The following MPP1 variants were observed in gnomAD, a reference collection of about 807,000 sequenced individuals.
MPP1 encodes the protein MAGUK p55 scaffold protein 1.
A neutral mutation model predicts 38.2 loss-of-function variants in MPP1; 6 were observed. The observed-to-expected ratio is 0.16, with a 90% CI of 0.09 to 0.31. The LOEUF is 0.31. Among genes scored for constraint, MPP1 ranks in the 10% least tolerant of loss-of-function variants. The probability of loss-of-function intolerance (pLI) is 1.00; values close to 1 mark genes in which losing one functional copy is unlikely to be tolerated. For missense variants in MPP1, 293 were observed against 368.9 expected, an observed-to-expected ratio of 0.79 and a Z score of 1.69; for synonymous variants, 153 against 146.3, an observed-to-expected ratio of 1.05 and a Z score of -0.33.
chrX:154,797,844 G>C (rs1220609048), intron 1 of MPP1, among the ~76,000 whole-genome samples: 1 of 111,467 alleles, frequency 9.0e-6, no homozygotes, highest in Admixed American at 9.5e-5. Context: ...TACAGACCGG[G>C]AGAAACATTT....
intron 1 of MPP1, chrX:154,799,703 T>C (rs1557268460): frequency 8.8e-7 from 1 of 1,132,892 alleles, no homozygotes; most frequent in Non-Finnish European, 1.2e-6. Flanking sequence ...CTGTTAAGGA[T>C]GACTGCTGGG....
At chrX:154,791,465 C>T (rs1400870221) in intron 3 of MPP1, among the ~76,000 whole-genome samples, 3 of 112,435 alleles carry the variant, frequency 2.7e-5, no homozygotes, top group African/African-American at 6.5e-5. Context: ...GCTGTCCTTT[C>T]CAAGTCTAAT....
intron 1 of MPP1, among the ~76,000 whole-genome samples, chrX:154,795,041 G>A (rs1379516427): frequency 2.7e-5 from 3 of 111,845 alleles, no homozygotes; most frequent in South Asian, 7.4e-4. Flanking sequence ...GTTGGAGGCA[G>A]CAGTGAGCCA....
At chrX:154,802,952 G>A (rs1251141439) in intron 1 of MPP1, among the ~76,000 whole-genome samples, 1 of 112,294 alleles carries the variant, frequency 8.9e-6, no homozygotes, top group Non-Finnish European at 1.9e-5. Context: ...TGCCATTATA[G>A]GAAAACTTTC....
chrX:154,787,038 T>C (rs1463730587), intron 5 of MPP1, among the ~76,000 whole-genome samples: 1 of 108,526 alleles, frequency 9.2e-6, no homozygotes, highest in Non-Finnish European at 1.9e-5. Context: ...ATTGAAAATA[T>C]GGACACTCAT....
chrX:154,783,915 G>C, intron 8 of MPP1, 113 bp downstream of exon 8: 1 of 659,656 alleles, frequency 1.5e-6, no homozygotes, highest in Non-Finnish European at 2.4e-6. Context: ...TCTATATGGA[G>C]AACCCAAGAG....
In MPP1 at chrX:154,791,748, C is replaced by T. The variant is rs2072144068; in HGVS notation, c.325+21G>A. 3 of 1,186,105 alleles carry T rather than the reference C, an allele frequency of 2.5e-6. No homozygotes were observed. The South Asian group carries it at 5.4e-5, about 21-fold the overall frequency. On this transcript the variant is annotated intron_variant, in intron 3 of 11. Transcript: ENST00000369534. The stretch of plus-strand genomic sequence containing the variant: ...TTATTAATCCCTGAATCAAACCCCA[C>T]CCAGAGCTCCCACAGAGTACCTTGT...
chrX:154,805,377 G>A lies in MPP1; in HGVS notation c.-4C>T, dbSNP rs782552816. The A allele has an allele frequency of 8.4e-7, 1 of 1,189,072 alleles. No individual in the cohort carries two copies. Among genetic ancestry groups the A allele is most frequent in the Admixed American group, 2.3e-5 (1 of 43,495 alleles). Reference sequence around the variant, plus strand: ...CCTCGCTCGCCTTGAGGGTCATCTCGCAGAAGCTGGAACACTGGAACGCAA... The same window carrying A: ...CCTCGCTCGCCTTGAGGGTCATCTCACAGAAGCTGGAACACTGGAACGCAA... On this transcript the variant is annotated 5_prime_UTR_variant, in exon 1 of 12. Transcript: ENST00000369534.
At position 154,804,423 on chromosome X, in the gene MPP1, G is replaced by A. The variant is rs782456399; in HGVS notation, c.102+849C>T. On this transcript the variant is annotated intron_variant, in intron 1 of 11. Coordinates refer to ENST00000369534, the MANE Select transcript of MPP1 (RefSeq NM_002436.4). Reference sequence around the variant, plus strand: ...GCTGTGACTTCTGAGCTTCTGCCTGGCTCTCTGGTTCTCTCTGGACATTTT... The same window carrying A: ...GCTGTGACTTCTGAGCTTCTGCCTGACTCTCTGGTTCTCTCTGGACATTTT... Among the ~76,000 whole-genome samples the A allele has an allele frequency of 4.5e-5, 5 of 111,513 alleles. No individual in the cohort carries two copies. In the South Asian group the frequency reaches 1.5e-3, roughly 33 times the overall value.
chrX:154,805,186 GGGGACAGGGACC>G, intron 1 of MPP1, 74 bp downstream of exon 1: 3 of 952,503 alleles, frequency 3.1e-6, no homozygotes, highest in Non-Finnish European at 4.4e-6. Flanking sequence ...CAGGCCCCCC[GGGGACAGGGACC>G]GGGACAGGGA....
rs1305331844 is a variant in MPP1, at chrX:154,784,908, G to T, written c.784+143C>A. 5 of 564,956 alleles carry T rather than the reference G, an allele frequency of 8.9e-6. No individual in the cohort carries two copies. In the East Asian group the frequency reaches 1.8e-4, roughly 20 times the overall value. The allele number at this position is 564,956 out of a possible 1,213,427, so 46.6% of individuals were successfully genotyped here. ...CTTGTGAAGATGGATTCAATAAAAAGAAACCAGAAGAAATGACATGCTTTC... is the reference window on the plus strand; with the variant it reads ...CTTGTGAAGATGGATTCAATAAAAATAAACCAGAAGAAATGACATGCTTTC... On this transcript the variant is annotated intron_variant, in intron 7 of 11. Coordinates refer to ENST00000369534, the MANE Select transcript of MPP1 (RefSeq NM_002436.4).
At chrX:154,783,942 T>C in intron 8 of MPP1, 86 bp downstream of exon 8, 1 of 893,872 alleles carries the variant, frequency 1.1e-6, no homozygotes, top group Non-Finnish European at 1.6e-6. Flanking sequence ...GTTCTTTTCT[T>C]CCTCACTGCC....
At chrX:154,797,939 A>G (rs2072215386) in intron 1 of MPP1, among the ~76,000 whole-genome samples, 1 of 112,692 alleles carries the variant, frequency 8.9e-6, no homozygotes, top group African/African-American at 3.2e-5. Context: ...GAACAATCTA[A>G]TTAGAAAATG....
Position 154,781,161 on chromosome X carries a change from C to A in MPP1, c.1224+78G>T, listed in dbSNP as rs1235955312. 10 of 920,507 alleles carry A rather than the reference C, an allele frequency of 1.1e-5. No individual in the cohort carries two copies. In the Admixed American group the frequency reaches 2.7e-4, roughly 25 times the overall value. The allele number at this position is 920,507 out of a possible 1,213,427, so 75.9% of individuals were successfully genotyped here. On this transcript the variant is annotated intron_variant, in intron 11 of 11. Transcript: ENST00000369534. ...CTGTGACCTCCAGCCAGCACTCTGG[C>A]CAATGACCTGGACTGAGGTCCCAGT... is the stretch of plus-strand genomic sequence containing the variant.
intron 1 of MPP1, among the ~76,000 whole-genome samples, chrX:154,801,787 C>G (rs2728540): frequency 4.5e-5 from 3 of 67,065 alleles, no homozygotes; most frequent in Admixed American, 2.3e-4. Context: ...AAAAAAAAAA[C>G]AAAAAACAGA....
chrX:154,787,474 T>A (rs1265057403), intron 5 of MPP1, among the ~76,000 whole-genome samples: 1 of 111,463 alleles, frequency 9.0e-6, no homozygotes. Context: ...GATCATATGA[T>A]CCCCTCAATA....
In MPP1 at chrX:154,785,052, C is replaced by T. The variant is rs782218142; in HGVS notation, c.783G>A (p.Ser261=). 10 of 1,207,218 alleles carry T rather than the reference C, an allele frequency of 8.3e-6. No individual in the cohort carries two copies. The highest frequency in any genetic ancestry group is 4.4e-5 in the Admixed American group (2 of 45,846). Residue 261 remains serine, a splice_region_variant and synonymous_variant, in exon 7 of 12, where the codon TCG becomes TCA. Transcript: ENST00000369534. ...YKDKYLAKHS[S]IFDQLDVVSY... ...GGCAAGAAGGCTCAGAAAGCTTACTCGAGCTGTGCTTGGCCAGATATTTGT... is the reference window on the plus strand; with the variant it reads ...GGCAAGAAGGCTCAGAAAGCTTACTTGAGCTGTGCTTGGCCAGATATTTGT...
Position 154,790,012 on chromosome X carries a change from T to C in MPP1, c.422A>G (p.Lys141Arg), listed in dbSNP as rs1229526197. The C allele has an allele frequency of 4.2e-6, 5 of 1,183,341 alleles. No individual in the cohort carries two copies. Among genetic ancestry groups the C allele is most frequent in the Non-Finnish European group, 5.7e-6 (5 of 872,770 alleles). The change falls in exon 5 of 12, where the codon AAA (lysine) becomes AGA (arginine). Residue 141 changes from lysine to arginine, a missense_variant. By Grantham distance (26) the Lys-to-Arg change is conservative. Coordinates refer to ENST00000369534, the MANE Select transcript of MPP1 (RefSeq NM_002436.4). ...DQLQKAMKET[K>R]GMISLKVIPN... ...AATTACTTTTAATGAGATCATTCCTTTGGTTTCTTTCTATTAAAAAAAATG... is the reference window on the plus strand; with the variant it reads ...AATTACTTTTAATGAGATCATTCCTCTGGTTTCTTTCTATTAAAAAAAATG...
chrX:154,785,208 AC>A (rs3215184), intron 6 of MPP1, 51 bp from the exon 7 acceptor site: 86 of 685,294 alleles, frequency 1.3e-4, no homozygotes, highest in Admixed American at 2.1e-4. Flanking sequence ...CTCCCCTCAT[AC>A]CCCCCCCAGC....
Sources: allele counts gnomAD v4.1 joint callset (sites outside exome capture counted in the v4.1 genomes callset), GRCh38; gene constraint gnomAD v4.1.1; transcripts MANE v1.5; gene names NCBI Gene and HGNC (gene_info 2026-07-23, HGNC 2026-07-21).